Variants in ALG12 observed in about 807,000 individuals in gnomAD.
ALG12 encodes ALG12 alpha-1,6-mannosyltransferase.
ALG12 carries 36 observed loss-of-function variants against 46.0 expected under a neutral mutation model. The observed-to-expected ratio is 0.78, with a 90% CI of 0.60 to 1.03. The LOEUF (loss-of-function observed/expected upper bound fraction) is 1.03, where lower values mean the gene tolerates loss of function less well. ALG12 is among the 50% of genes least tolerant of loss of function. The probability of loss-of-function intolerance (pLI) is 0.00; values close to 1 mark genes in which losing one functional copy is unlikely to be tolerated. For missense variants in ALG12, 599 were observed against 633.5 expected, an observed-to-expected ratio of 0.95 and a Z score of 0.58; for synonymous variants, 326 against 291.6, an observed-to-expected ratio of 1.12 and a Z score of -1.20.
chr22:49,896,204 G>C (rs1170124633), downstream of ALG12, among the ~76,000 whole-genome samples: 3 of 152,248 alleles, frequency 2.0e-5, no homozygotes, highest in Non-Finnish European at 4.4e-5. Context: ...CTGGGGTGCT[G>C]ACAACAGGGC....
chr22:49,871,672 T>C, the ALG12 span, among the ~76,000 whole-genome samples: 106 of 152,008 alleles, frequency 7.0e-4, no homozygotes, highest in African/African-American at 2.4e-3. Context: ...CCAGGGCTGC[T>C]GACCAATCAG....
At chr22:49,915,472 G>A (rs1201197671) in intron 1 of ALG12, among the ~76,000 whole-genome samples, 1 of 152,096 alleles carries the variant, frequency 6.6e-6, no homozygotes, top group Non-Finnish European at 1.5e-5. Context: ...CAGGAGAATC[G>A]CTTGAGCCCA....
chr22:49,886,998 G>T, the ALG12 span: 1 of 1,614,056 alleles, frequency 6.2e-7, no homozygotes, highest in South Asian at 1.1e-5. The surrounding 1 kb of genome is among the most constrained non-coding windows in gnomAD (Gnocchi z 7.7). Flanking sequence ...CGTCCTGGCC[G>T]GGGCTGTCCG....
In ALG12 at chr22:49,903,409, G is replaced by T. The variant is rs1414419658; in HGVS notation, c.*429C>A. On this transcript the variant is annotated 3_prime_UTR_variant, in exon 10 of 10. Coordinates refer to ENST00000330817, the MANE Select transcript of ALG12 (RefSeq NM_024105.4). ...CCCCTGAGAGGGGGTGCTGTCTTAG[G>T]TGCCCCAAGAGGCCCTCGGGCAGCA... 3 of 459,810 alleles carry T rather than the reference G, an allele frequency of 6.5e-6. No individual in the cohort carries two copies. Among genetic ancestry groups the T allele is most frequent in the Non-Finnish European group, 1.3e-5 (3 of 229,654 alleles). The allele number at this position is 459,810 out of a possible 1,614,324, so 28.5% of individuals were successfully genotyped here.
At position 49,905,796 on chromosome 22, in the gene ALG12, C is replaced by G. The variant is rs2060539095; in HGVS notation, c.993-1290G>C. Reference sequence around the variant, plus strand: ...CAGTGCGAGAGCAGACTAGTGCACCCTTGAACAATCTCTGGTGCGGTTTCT... The same window carrying G: ...CAGTGCGAGAGCAGACTAGTGCACCGTTGAACAATCTCTGGTGCGGTTTCT... On this transcript the variant is annotated intron_variant, in intron 7 of 9. Transcript: ENST00000330817. This position sits in a 1 kb window ranked among gnomAD's most constrained non-coding sequence, Gnocchi z 4.9. Among the ~76,000 whole-genome samples, 1 of 152,188 alleles carries G rather than the reference C, an allele frequency of 6.6e-6. No individual in the cohort carries two copies. Among genetic ancestry groups the G allele is most frequent in the South Asian group, 2.1e-4 (1 of 4,826 alleles).
At chr22:49,887,325 C>T in the ALG12 span, 3 of 820,928 alleles carry the variant, frequency 3.7e-6, no homozygotes, top group Non-Finnish European at 5.6e-6. Flanking sequence ...ACAGTGTCTC[C>T]ACGTGCCTTA....
rs1447233828 is a variant in ALG12 at position 49,906,276 on chromosome 22, TC to T, written c.992+1444del. Reference sequence around the variant, plus strand: ...CGAATACAATCCATCCGCGCCGCTCTCCCCGTCTTTCCTACCCTCTTTTCCA... The same window carrying T: ...CGAATACAATCCATCCGCGCCGCTCTCCCGTCTTTCCTACCCTCTTTTCCA... On this transcript the variant is annotated intron_variant, in intron 7 of 9. Coordinates refer to ENST00000330817, the MANE Select transcript of ALG12 (RefSeq NM_024105.4). This position sits in a 1 kb window ranked among gnomAD's most constrained non-coding sequence, Gnocchi z 4.4. 6.6e-6 allele frequency among the ~76,000 whole-genome samples: 1 copy of T among 152,126 alleles called. No homozygotes were observed. Among genetic ancestry groups the T allele is most frequent in the African/African-American group, 2.4e-5 (1 of 41,402 alleles).
chr22:49,865,424 G>A, the ALG12 span, among the ~76,000 whole-genome samples: 22 of 151,960 alleles, frequency 1.4e-4, no homozygotes, highest in Non-Finnish European at 2.2e-4. Context: ...TAAGGCGGGC[G>A]GAACTCCTGA....
the ALG12 span, chr22:49,886,429 A>G: frequency 6.3e-7 from 1 of 1,587,346 alleles, no homozygotes; most frequent in Non-Finnish European, 8.6e-7. This position sits in a 1 kb window ranked among gnomAD's most constrained non-coding sequence, Gnocchi z 7.7. Flanking sequence ...AGAGCTGATC[A>G]GCTGCGACCA....
the ALG12 span, among the ~76,000 whole-genome samples, chr22:49,876,818 T>C: frequency 6.6e-6 from 1 of 152,212 alleles, no homozygotes; most frequent in Non-Finnish European, 1.5e-5. Flanking sequence ...AGTAGTGGTA[T>C]TTCCATTTAC....
At chr22:49,896,434 C>T (rs1172706145), downstream of ALG12, among the ~76,000 whole-genome samples, 1 of 152,230 alleles carries the variant, frequency 6.6e-6, no homozygotes, top group African/African-American at 2.4e-5. Context: ...CTGCCCCCAG[C>T]CTCTGCCATG....
At chr22:49,876,670 G>A in the ALG12 span, among the ~76,000 whole-genome samples, 1 of 151,872 alleles carries the variant, frequency 6.6e-6, no homozygotes, top group East Asian at 1.9e-4. Flanking sequence ...ATACTCACCG[G>A]CAGTGCTTGC....
At chr22:49,860,941 G>C in the ALG12 span, among the ~76,000 whole-genome samples, 1 of 151,410 alleles carries the variant, frequency 6.6e-6, no homozygotes, top group Non-Finnish European at 1.5e-5. Flanking sequence ...ACCACGCCCA[G>C]CTAATTTTTT....
intron 3 of ALG12, among the ~76,000 whole-genome samples, chr22:49,910,859 A>C (rs2060572973): frequency 6.6e-6 from 1 of 152,198 alleles, no homozygotes; most frequent in Admixed American, 6.5e-5. Context: ...CTGAAGCATG[A>C]GGGAGGACAC....
the ALG12 span, among the ~76,000 whole-genome samples, chr22:49,860,096 C>T: frequency 1.4e-4 from 21 of 148,848 alleles, no homozygotes; most frequent in South Asian, 4.3e-4. Context: ...TCAGGAGTTC[C>T]AGACCAGTCT....
At chr22:49,882,325 G>A in the ALG12 span, among the ~76,000 whole-genome samples, 11 of 152,224 alleles carry the variant, frequency 7.2e-5, no homozygotes, top group African/African-American at 2.4e-4. Flanking sequence ...GCTGAGTCGG[G>A]AGGAGGGCTC....
chr22:49,915,551 C>T (rs572504091), intron 1 of ALG12, among the ~76,000 whole-genome samples: 1 of 152,096 alleles, frequency 6.6e-6, no homozygotes, highest in South Asian at 2.1e-4. Context: ...AGCGTGACTC[C>T]GTCTCAGAAA....
downstream of ALG12, among the ~76,000 whole-genome samples, chr22:49,899,839 G>A (rs891419677): frequency 4.6e-5 from 7 of 151,914 alleles, no homozygotes; most frequent in Admixed American, 1.3e-4. Flanking sequence ...TCCTTGCATC[G>A]ACACCATGGT....
intron 4 of ALG12, 134 bp downstream of exon 4, chr22:49,910,300 G>T: frequency 1.5e-6 from 2 of 1,340,936 alleles, no homozygotes; most frequent in Non-Finnish European, 2.1e-6. Context: ...CTGGTTTCAG[G>T]TCACAGACCA....
Sources: allele counts gnomAD v4.1 joint callset (sites outside exome capture counted in the v4.1 genomes callset), GRCh38; gene constraint gnomAD v4.1.1; non-coding constraint Gnocchi (gnomAD v3.1); transcripts MANE v1.5; gene names NCBI Gene and HGNC (gene_info 2026-07-23, HGNC 2026-07-21).